Variants in BMP7 observed in about 807,000 individuals in gnomAD.
The protein encoded by BMP7 is osteogenic protein 1.
A neutral mutation model predicts 41.2 loss-of-function variants in BMP7; 12 were observed. The ratio of observed to expected loss-of-function variants is 0.29; its 90% CI spans 0.19 to 0.47. BMP7 has a LOEUF of 0.47. Ranked by LOEUF, BMP7 falls within the 20% of genes least tolerant of loss-of-function variation. The pLI, the probability that BMP7 is intolerant of heterozygous loss-of-function variation, is 0.99. For missense variants in BMP7, 467 were observed against 606.0 expected (o/e 0.77, Z 2.41); for synonymous variants, 248 against 250.0 (o/e 0.99, Z 0.07).
At position 57,228,096 on chromosome 20, in the gene BMP7, T is replaced by A. The variant is rs891514101; in HGVS notation, c.611+133A>T. The stretch of plus-strand genomic sequence containing the variant: ...AGTGACATACACCATACACCTTCTT[T>A]AGAAGGGATAATCTGGTACAGGGCC... On this transcript the variant is annotated intron_variant, in intron 2 of 6. Coordinates refer to ENST00000395863, the MANE Select transcript of BMP7 (RefSeq NM_001719.3). The surrounding 1 kb of genome is among the most constrained non-coding windows in gnomAD (Gnocchi z 4.5). 20 of 1,030,346 alleles carry A rather than the reference T, an allele frequency of 1.9e-5. No homozygotes were observed. The highest frequency in any genetic ancestry group is 3.0e-5 in the Non-Finnish European group (20 of 659,104). The allele number at this position is 1,030,346 out of a possible 1,614,324, so 63.8% of individuals were successfully genotyped here.
At chr20:57,192,017 A>G (rs111220204) in intron 3 of BMP7, among the ~76,000 whole-genome samples, 1 of 125,498 alleles carries the variant, frequency 8.0e-6, no homozygotes, top group East Asian at 2.1e-4. Context: ...TATATATTAT[A>G]TATAATATAT....
At chr20:57,195,613 C>T (rs1201703166) in intron 3 of BMP7, among the ~76,000 whole-genome samples, 1 of 152,268 alleles carries the variant, frequency 6.6e-6, no homozygotes. Flanking sequence ...CGGCATCGCT[C>T]ACCAGCCTTG....
chr20:57,265,042 A>AAAAAAAAAAG (rs1555819055), intron 1 of BMP7, among the ~76,000 whole-genome samples: 227 of 120,040 alleles, frequency 1.9e-3, no homozygotes, highest in Non-Finnish European at 2.6e-3. Flanking sequence ...AAAAAAAAAA[A>AAAAAAAAAAG]AAAAGAAAAG....
chr20:57,189,325 G>A (rs1282778127), intron 3 of BMP7, among the ~76,000 whole-genome samples: 2 of 152,296 alleles, frequency 1.3e-5, no homozygotes, highest in East Asian at 1.9e-4. Flanking sequence ...TGCGGGCAGC[G>A]ACCTCCCATC....
intron 3 of BMP7, among the ~76,000 whole-genome samples, chr20:57,186,722 T>C (rs1186163369): frequency 6.6e-6 from 1 of 152,126 alleles, no homozygotes; most frequent in Non-Finnish European, 1.5e-5. Flanking sequence ...TAACTTCACC[T>C]GGAGTCCCCC....
intron 2 of BMP7, among the ~76,000 whole-genome samples, chr20:57,204,543 G>T (rs903203020): frequency 2.5e-4 from 38 of 152,252 alleles, no homozygotes; most frequent in Admixed American, 2.6e-4. Context: ...ACCGAGGCAG[G>T]TGCGAGGGCA....
intron 1 of BMP7, among the ~76,000 whole-genome samples, chr20:57,263,188 C>A (rs1299969207): frequency 2.0e-5 from 3 of 152,204 alleles, no homozygotes; most frequent in Admixed American, 2.0e-4. Flanking sequence ...AGCCACTCTG[C>A]CATCTAATTT....
In BMP7 at chr20:57,228,632, G is replaced by A. The variant is rs2066017352; in HGVS notation, c.419-211C>T. Among the ~76,000 whole-genome samples, 2 of 152,324 alleles carry A rather than the reference G, an allele frequency of 1.3e-5. No individual in the cohort carries two copies. The highest frequency in any genetic ancestry group is 2.1e-4 in the South Asian group (1 of 4,824). On this transcript the variant is annotated intron_variant, in intron 1 of 6. Transcript: ENST00000395863. The surrounding 1 kb of genome is among the most constrained non-coding windows in gnomAD (Gnocchi z 4.5). ...CATGGTCCCCATGGTCATCCTGAAC[G>A]ACAAGAGCATGATTCTGCATCCAAC...
intron 1 of BMP7, 128 bp downstream of exon 1, chr20:57,265,577 C>T (rs2066173423): frequency 7.0e-7 from 1 of 1,425,028 alleles, no homozygotes; most frequent in Admixed American, 2.0e-5. Flanking sequence ...GGGAGACCCT[C>T]GGGCAGGCAC....
chr20:57,238,790 A>C (rs765109119), intron 1 of BMP7, among the ~76,000 whole-genome samples: 1 of 152,126 alleles, frequency 6.6e-6, no homozygotes, highest in Non-Finnish European at 1.5e-5. Context: ...CACTTCTTAC[A>C]TGGCAGCAGC....
intron 2 of BMP7, among the ~76,000 whole-genome samples, chr20:57,212,583 G>A (rs1035623090): frequency 1.3e-5 from 2 of 152,244 alleles, no homozygotes; most frequent in African/African-American, 4.8e-5. Flanking sequence ...GGGCCGCAAG[G>A]ATATTCCTCA....
intron 2 of BMP7, among the ~76,000 whole-genome samples, chr20:57,211,398 G>C (rs918324514): frequency 1.3e-5 from 2 of 152,186 alleles, no homozygotes; most frequent in Non-Finnish European, 2.9e-5. Flanking sequence ...GGGCAGGAGA[G>C]GACGGGGCTG....
chr20:57,252,061 A>G (rs2066115891), intron 1 of BMP7, among the ~76,000 whole-genome samples: 1 of 152,238 alleles, frequency 6.6e-6, no homozygotes, highest in East Asian at 1.9e-4. Context: ...AAACTATTGT[A>G]GGCCTCGGTC....
At chr20:57,211,229 C>T (rs1984875201) in intron 2 of BMP7, among the ~76,000 whole-genome samples, 1 of 152,236 alleles carries the variant, frequency 6.6e-6, no homozygotes, top group South Asian at 2.1e-4. Flanking sequence ...CTTAATATCA[C>T]CTTAATACCA....
chr20:57,175,693 T>C (rs1301641395), intron 4 of BMP7, among the ~76,000 whole-genome samples: 1 of 152,226 alleles, frequency 6.6e-6, no homozygotes, highest in Non-Finnish European at 1.5e-5. Flanking sequence ...GTCTTGTCTC[T>C]CTCTCACACA....
chr20:57,247,619 A>G (rs1280763576), intron 1 of BMP7, among the ~76,000 whole-genome samples: 3 of 152,220 alleles, frequency 2.0e-5, no homozygotes, highest in Non-Finnish European at 4.4e-5. Context: ...ACCCTTTACT[A>G]GAAAACATTT....
At chr20:57,188,034 A>G (rs1054947299) in intron 3 of BMP7, among the ~76,000 whole-genome samples, 1 of 152,236 alleles carries the variant, frequency 6.6e-6, no homozygotes, top group Middle Eastern at 3.2e-3. Context: ...CAGAAAATAC[A>G]CTGGCAATTC....
chr20:57,209,251 A>T lies in BMP7; in HGVS notation c.612-6628T>A, dbSNP rs9753598. On this transcript the variant is annotated intron_variant, in intron 2 of 6. Coordinates refer to ENST00000395863, the MANE Select transcript of BMP7 (RefSeq NM_001719.3). The stretch of plus-strand genomic sequence containing the variant: ...CAAATACCTAGATTTATATATTTTT[A>T]TATATATATATATATATATATATAT... Among the ~76,000 whole-genome samples the T allele has an allele frequency of 1.8e-3, 114 of 61,646 alleles. 3 individuals are homozygous for T. The highest frequency in any genetic ancestry group is 1.7e-3 in the Admixed American group (12 of 7,214). The allele number at this position is 61,646 out of a possible 152,430, so 40.4% of individuals were successfully genotyped here.
chr20:57,201,844 G>A (rs1318937130), intron 3 of BMP7, among the ~76,000 whole-genome samples: 1 of 152,148 alleles, frequency 6.6e-6, no homozygotes, highest in Non-Finnish European at 1.5e-5. Flanking sequence ...CTTCTCAAAG[G>A]AGGCAGAACT....
Sources: gnomAD v4.1 joint callset for allele counts (sites outside exome capture counted in the v4.1 genomes callset) on GRCh38, gnomAD v4.1.1 for gene constraint, Gnocchi (gnomAD v3.1) non-coding constraint, MANE v1.5 for transcripts, NCBI Gene and HGNC (gene_info 2026-07-23, HGNC 2026-07-21) for gene names.